The following RAD54L2 variants were observed in gnomAD, a reference collection of about 807,000 sequenced individuals.
RAD54L2 encodes RAD54 like 2.
RAD54L2 carries 27 observed loss-of-function variants against 138.4 expected under a neutral mutation model. That is an observed-to-expected ratio of 0.20 (90% CI 0.14 to 0.27). The LOEUF (loss-of-function observed/expected upper bound fraction) is 0.27, where lower values mean the gene tolerates loss of function less well. RAD54L2 is among the 10% of genes least tolerant of loss of function. RAD54L2 has a pLI of 1.00. For missense variants in RAD54L2, 1,396 were observed against 1,890.2 expected (o/e 0.74, Z 4.85); for synonymous variants, 644 against 723.2 (o/e 0.89, Z 1.76).
At chr3:51,636,307 G>A (rs543670490) in intron 10 of RAD54L2, among the ~76,000 whole-genome samples, 1 of 152,282 alleles carries the variant, frequency 6.6e-6, no homozygotes, top group Admixed American at 6.5e-5. Context: ...AGGGTTCAGA[G>A]GCCATTTCAC....
chr3:51,635,338 A>G (rs1000566304), intron 9 of RAD54L2, among the ~76,000 whole-genome samples: 1 of 152,258 alleles, frequency 6.6e-6, no homozygotes. Flanking sequence ...TTGAATTGCT[A>G]TGTTTCTTGC....
chr3:51,664,361 C>A lies in RAD54L2; in HGVS notation c.*941C>A, dbSNP rs932911448. The A allele has an allele frequency of 6.6e-6, 1 of 152,168 alleles. No individual in the cohort carries two copies. Among genetic ancestry groups the A allele is most frequent in the Non-Finnish European group, 1.5e-5 (1 of 68,038 alleles). 9.4% of individuals were successfully genotyped at this position (152,168 alleles called of 1,614,324 possible). A position where few individuals can be genotyped will look rare whatever the true frequency, so the allele number is the denominator to read the frequency against. On this transcript the variant is annotated 3_prime_UTR_variant, in exon 23 of 23. Transcript: ENST00000684192. ...GCTGGGAGGGAGAAGCACTGCAGTA[C>A]GTGAATGAAAGGTCGCAGAGTTGTG... is the stretch of plus-strand genomic sequence containing the variant.
intron 2 of RAD54L2, among the ~76,000 whole-genome samples, chr3:51,553,153 C>T (rs1432269730): frequency 6.6e-6 from 1 of 152,170 alleles, no homozygotes; most frequent in Non-Finnish European, 1.5e-5. Context: ...TCTCGGCTCA[C>T]TGCAACCTCC....
chr3:51,627,737 C>T lies in RAD54L2; in HGVS notation c.324C>T (p.His108=). Residue 108 remains histidine, a synonymous_variant, in exon 4 of 23, where the codon CAC becomes CAT. Coordinates refer to ENST00000684192, the MANE Select transcript of RAD54L2 (RefSeq NM_015106.4). ...AGAAGAGAGCTCAGAAGCCCTCCCA[C>T]ATGAGAAGAAACATACGGTGAGCTG... ...PKKKRAQKPS[H]MRRNIRKLLR... is the part of the protein sequence containing the mutation. 6.2e-7 allele frequency: 1 copy of T among 1,613,958 alleles called. No individual in the cohort carries two copies. The highest frequency in any genetic ancestry group is 8.5e-7 in the Non-Finnish European group (1 of 1,179,878).
At chr3:51,573,466 T>TG (rs1699388508) in intron 2 of RAD54L2, among the ~76,000 whole-genome samples, 1 of 151,960 alleles carries the variant, frequency 6.6e-6, no homozygotes, top group Non-Finnish European at 1.5e-5. Context: ...TTTTTTGAGA[T>TG]GGAGTCTTGC....
intron 2 of RAD54L2, among the ~76,000 whole-genome samples, chr3:51,548,441 G>A (rs1012037168): frequency 7.9e-5 from 12 of 152,224 alleles, no homozygotes; most frequent in African/African-American, 2.6e-4. Flanking sequence ...GCCTGCCTTC[G>A]CCTCCCAAAG....
chr3:51,557,719 A>G (rs1699005614), intron 2 of RAD54L2, among the ~76,000 whole-genome samples: 1 of 150,616 alleles, frequency 6.6e-6, no homozygotes, highest in African/African-American at 2.4e-5. Flanking sequence ...AATGCTAGCT[A>G]CTTGGAAGGC....
Position 51,662,354 on chromosome 3 carries a change from T to C in RAD54L2, c.3410-72T>C. 1 of 1,367,828 alleles carries C rather than the reference T, an allele frequency of 7.3e-7. No homozygotes were observed. The highest frequency in any genetic ancestry group is 9.8e-7 in the Non-Finnish European group (1 of 1,023,452). The allele number at this position is 1,367,828 out of a possible 1,614,324, so 84.7% of individuals were successfully genotyped here. A position where few individuals can be genotyped will look rare whatever the true frequency, so the allele number is the denominator to read the frequency against. On this transcript the variant is annotated intron_variant, in intron 22 of 22. Coordinates refer to ENST00000684192, the MANE Select transcript of RAD54L2 (RefSeq NM_015106.4). This position sits in a 1 kb window ranked among gnomAD's most constrained non-coding sequence, Gnocchi z 4.6. ...GACTACAGGACAGGATTTTTTTTAA[T>C]GGAGTTTTCTCCTCTACCCTTCTTC...
At chr3:51,614,531 T>G (rs1700402507) in intron 3 of RAD54L2, among the ~76,000 whole-genome samples, 1 of 151,834 alleles carries the variant, frequency 6.6e-6, no homozygotes, top group South Asian at 2.1e-4. Flanking sequence ...TTTTTTTTTT[T>G]GAAACAAGAT....
chr3:51,628,592 G>A lies in RAD54L2; in HGVS notation c.342-742G>A, dbSNP rs137860632. Among the ~76,000 whole-genome samples the A allele has an allele frequency of 1.4e-4, 22 of 151,964 alleles. No individual in the cohort carries two copies. In the East Asian group the frequency reaches 3.1e-3, roughly 21 times the overall value. On this transcript the variant is annotated intron_variant, in intron 4 of 22. Transcript: ENST00000684192. ...TGTAGTAGAGACAGGGTTTTGCCAC[G>A]TTGGCTGAACTGGTCTTGAACTCCT...
At chr3:51,593,810 T>C (rs1699893136) in intron 3 of RAD54L2, among the ~76,000 whole-genome samples, 2 of 152,176 alleles carry the variant, frequency 1.3e-5, no homozygotes, top group Non-Finnish European at 2.9e-5. Flanking sequence ...ATTTTCTGTT[T>C]CTTTTGGGTT....
intron 2 of RAD54L2, among the ~76,000 whole-genome samples, chr3:51,575,223 G>A (rs994209649): frequency 3.3e-5 from 5 of 151,234 alleles, no homozygotes; most frequent in South Asian, 4.2e-4. Flanking sequence ...GTTTTGGTAC[G>A]GGTACCATGC....
intron 3 of RAD54L2, among the ~76,000 whole-genome samples, chr3:51,602,737 A>G (rs926697704): frequency 2.0e-5 from 3 of 152,218 alleles, no homozygotes; most frequent in African/African-American, 7.2e-5. Context: ...TGTCGTGGGC[A>G]TTGGGAATGG....
intron 2 of RAD54L2, among the ~76,000 whole-genome samples, chr3:51,552,561 CTTTTTTTT>C (rs58505964): frequency 1.9e-5 from 2 of 106,752 alleles, no homozygotes; most frequent in Admixed American, 1.0e-4. Context: ...TGCGCCTGGC[CTTTTTTTT>C]TTTTTTTTTT....
At chr3:51,646,578 C>A (rs1701286470) in intron 19 of RAD54L2, 97 bp downstream of exon 19, 2 of 1,241,954 alleles carry the variant, frequency 1.6e-6, no homozygotes, top group African/African-American at 1.5e-5. Flanking sequence ...ACAACTTGTT[C>A]CTTGACTGCT....
At chr3:51,571,404 T>G (rs1699334140) in intron 2 of RAD54L2, among the ~76,000 whole-genome samples, 1 of 151,548 alleles carries the variant, frequency 6.6e-6, no homozygotes, top group Non-Finnish European at 1.5e-5. Flanking sequence ...TTTTTTTTTT[T>G]TTTTAAAGAC....
At chr3:51,547,450 A>T (rs782064226) in intron 2 of RAD54L2, among the ~76,000 whole-genome samples, 2 of 151,916 alleles carry the variant, frequency 1.3e-5, no homozygotes, top group Middle Eastern at 3.2e-3. Context: ...GTGGAGGCAC[A>T]TTGGAGGTAC....
rs374437035 is a variant in RAD54L2 at position 51,637,141 on chromosome 3, G to A, written c.1340-20G>A. 194 of 1,558,684 alleles carry A rather than the reference G, an allele frequency of 1.2e-4. No individual in the cohort carries two copies. The African/African-American group carries it at 2.1e-3, about 17-fold the overall frequency. ...GCAGGCCCTGTCACCCTCTGACTCC[G>A]GATCCTCTTCCCTCCCTAGAGTTTG... On this transcript the variant is annotated intron_variant, in intron 10 of 22. Transcript: ENST00000684192. This position sits in a 1 kb window ranked among gnomAD's most constrained non-coding sequence, Gnocchi z 5.9.
intron 3 of RAD54L2, among the ~76,000 whole-genome samples, chr3:51,604,058 G>T (rs1313588535): frequency 6.6e-6 from 1 of 152,192 alleles, no homozygotes; most frequent in East Asian, 1.9e-4. Flanking sequence ...TGGTGGAGGT[G>T]GTGAAAGTAG....
Sources: gnomAD v4.1 joint callset for allele counts (sites outside exome capture counted in the v4.1 genomes callset) on GRCh38, gnomAD v4.1.1 for gene constraint, Gnocchi (gnomAD v3.1) non-coding constraint, MANE v1.5 for transcripts, NCBI Gene and HGNC (gene_info 2026-07-23, HGNC 2026-07-21) for gene names.